USP48: variants seen among roughly 807,000 people sequenced by gnomAD.
USP48 encodes ubiquitin carboxyl-terminal hydrolase 48.
In USP48, 43 loss-of-function variants were observed where a neutral mutation model predicts 150.7. The observed-to-expected ratio is 0.29, with a 90% CI of 0.22 to 0.37. The LOEUF is 0.37. Among genes scored for constraint, USP48 ranks in the 10% least tolerant of loss-of-function variants. The pLI is 1.00. For synonymous variants in USP48, 396 were observed against 425.9 expected (o/e 0.93, Z 0.86); for missense variants, 813 against 1,249.6 (o/e 0.65, Z 5.27).
Position 21,721,132 on chromosome 1 carries a change from G to A in USP48, c.1798C>T (p.Arg600Trp). The change falls in exon 14 of 27, where the codon CGG becomes TGG. Residue 600 changes from arginine to tryptophan, a missense_variant. Transcript: ENST00000308271. The stretch of plus-strand genomic sequence containing the variant: ...TCAAGAGCTAGCTGGCGCCAACTCC[G>A]CAAGGAGGACTTCCCCACCCAAAAT... ...DGFWVGKSSL[R>W]SWRQLALEQL... 2.5e-6 allele frequency: 4 copies of A among 1,614,206 alleles called. No individual in the cohort carries two copies. Among genetic ancestry groups the A allele is most frequent in the Non-Finnish European group, 3.4e-6 (4 of 1,180,028 alleles).
chr1:21,732,746 T>C (rs941291450), intron 9 of USP48: 3 of 311,730 alleles, frequency 9.6e-6, no homozygotes, highest in African/African-American at 2.2e-5. Context: ...TAAAAATGCC[T>C]ACTATAAAAC....
chr1:21,708,973 G>A (rs1175141186), intron 15 of USP48, among the ~76,000 whole-genome samples: 7 of 149,938 alleles, frequency 4.7e-5, no homozygotes, highest in African/African-American at 1.5e-4. Flanking sequence ...ACAGTGGCAC[G>A]ATCATAGCTC....
At chr1:21,719,072 G>C (rs989015351) in intron 14 of USP48, among the ~76,000 whole-genome samples, 2 of 151,338 alleles carry the variant, frequency 1.3e-5, no homozygotes, top group South Asian at 4.2e-4. Flanking sequence ...TTCAAGACCA[G>C]CTGGCCAACA....
At chr1:21,738,182 C>A in intron 8 of USP48, among the ~76,000 whole-genome samples, 1 of 151,806 alleles carries the variant, frequency 6.6e-6, no homozygotes, top group East Asian at 1.9e-4. Context: ...CCCAGCCTCC[C>A]AAGCAGCTGG....
intron 22 of USP48, among the ~76,000 whole-genome samples, chr1:21,701,274 G>A (rs1027726812): frequency 6.7e-6 from 1 of 149,800 alleles, no homozygotes. Context: ...GCTGGGGCAG[G>A]AGAATCATTT....
At chr1:21,694,561 C>A (rs1188374367) in intron 23 of USP48, among the ~76,000 whole-genome samples, 1 of 81,308 alleles carries the variant, frequency 1.2e-5, no homozygotes, top group East Asian at 5.7e-4. Context: ...CAGAGTGAGG[C>A]TCTGTCTCAC....
chr1:21,736,704 A>G (rs1023429809), intron 8 of USP48, 79 bp from the exon 9 acceptor site: 2 of 1,200,670 alleles, frequency 1.7e-6, no homozygotes, highest in East Asian at 6.0e-5. Context: ...TGTAATGATT[A>G]CGAATCTTTA....
chr1:21,684,674 CAAGTCTTACATTT>C (rs555886756), intron 25 of USP48, among the ~76,000 whole-genome samples: 3,502 of 67,006 alleles, frequency 0.052, 136 homozygotes, highest in African/African-American at 0.11. Context: ...TTCATAGTTT[CAAGTCTTACATTT>C]AAGTCTTTAA....
chr1:21,778,620 A>AG (rs2097906315), intron 1 of USP48, among the ~76,000 whole-genome samples: 2 of 150,666 alleles, frequency 1.3e-5, no homozygotes, highest in African/African-American at 4.9e-5. Context: ...AAAAAAAAAA[A>AG]AAGCCAAAAA....
rs1482538413 is a variant in USP48, at chr1:21,721,069, T to C, written c.1861A>G (p.Asn621Asp). ...DEQDGDAEQSNGKMNGSTLNK... is the reference protein window; with the variant it reads ...DEQDGDAEQSDGKMNGSTLNK... ...AAGGTGCTACCGTTCATCTTTCCGT[T>C]GCTTTGTTCTGCATCACCATCTTGC... Residue 621 changes from asparagine to aspartate, a missense_variant, in exon 14 of 27, where the codon AAC becomes GAC. Transcript: ENST00000308271. The C allele has an allele frequency of 6.2e-7, 1 of 1,614,144 alleles. No individual in the cohort carries two copies. Among genetic ancestry groups the C allele is most frequent in the Non-Finnish European group, 8.5e-7 (1 of 1,180,052 alleles).
chr1:21,765,929 A>C (rs1364727853), intron 1 of USP48, among the ~76,000 whole-genome samples: 1 of 108,986 alleles, frequency 9.2e-6, no homozygotes, highest in Non-Finnish European at 2.0e-5. Context: ...AAAAAAAAAA[A>C]AAAAAAAAGG....
At chr1:21,698,658 T>G (rs2995000) in intron 22 of USP48, among the ~76,000 whole-genome samples, 150,378 of 152,316 alleles carry the variant, frequency 0.99, 74,259 homozygotes, top group Non-Finnish European at 1. Flanking sequence ...AGAGAACAGA[T>G]AATTAGTGAC....
chr1:21,735,792 G>GCAGGAGAAT (rs1252401857), intron 9 of USP48, among the ~76,000 whole-genome samples: 9 of 152,008 alleles, frequency 5.9e-5, no homozygotes, highest in Non-Finnish European at 1.2e-4. Flanking sequence ...GGAGGCTGAG[G>GCAGGAGAAT]CAGGAGAATC....
chr1:21,769,040 G>T (rs1051061225), intron 1 of USP48, among the ~76,000 whole-genome samples: 2 of 152,080 alleles, frequency 1.3e-5, no homozygotes, highest in Admixed American at 6.6e-5. Flanking sequence ...TTTTCCCCAT[G>T]TATGTCTCCC....
At chr1:21,736,272 G>A (rs529247221) in intron 9 of USP48, among the ~76,000 whole-genome samples, 174 bp downstream of exon 9, 8 of 152,060 alleles carry the variant, frequency 5.3e-5, no homozygotes, top group Non-Finnish European at 7.4e-5. Context: ...AACCGGACTC[G>A]AAAAACAAGC....
At chr1:21,774,378 A>G (rs2097891587) in intron 1 of USP48, among the ~76,000 whole-genome samples, 1 of 152,032 alleles carries the variant, frequency 6.6e-6, no homozygotes, top group African/African-American at 2.4e-5. Context: ...TCATAAACAT[A>G]CATAAGAATA....
chr1:21,757,452 G>T, intron 2 of USP48: 1 of 410,152 alleles, frequency 2.4e-6, no homozygotes, highest in Non-Finnish European at 4.2e-6. Context: ...ATTATTTAAA[G>T]GCTTACTGAA....
intron 22 of USP48, 66 bp from the exon 23 acceptor site, chr1:21,695,287 G>T: frequency 6.7e-7 from 1 of 1,481,878 alleles, no homozygotes; most frequent in Non-Finnish European, 9.0e-7. Context: ...TGCTCATGAA[G>T]TTTTTCAGGT....
rs2097821406 is a variant in USP48, at chr1:21,753,246, C to T, written c.413-127G>A. ...CCAAACTAGATTAATACTTTATTAT[C>T]ATTTTAAAACTTTAAAAGAAATAGG... On this transcript the variant is annotated intron_variant, in intron 3 of 26. Transcript: ENST00000308271. 6.7e-6 allele frequency: 7 copies of T among 1,044,406 alleles called. No individual in the cohort carries two copies. The South Asian group carries it at 1.2e-4, about 18-fold the overall frequency. 64.7% of individuals were successfully genotyped at this position (1,044,406 alleles called of 1,614,324 possible). A position where few individuals can be genotyped will look rare whatever the true frequency, so the allele number is the denominator to read the frequency against.
Sources: allele counts gnomAD v4.1 joint callset (sites outside exome capture counted in the v4.1 genomes callset), GRCh38; gene constraint gnomAD v4.1.1; transcripts MANE v1.5; gene names NCBI Gene and HGNC (gene_info 2026-07-23, HGNC 2026-07-21).